The following BTG4 variants were observed in gnomAD, a reference collection of about 807,000 sequenced individuals.
The protein encoded by BTG4 is protein BTG4.
In BTG4, 10 loss-of-function variants were observed where a neutral mutation model predicts 19.3. That is an observed-to-expected ratio of 0.52 (90% CI 0.32 to 0.88). BTG4 has a LOEUF of 0.88. Among genes scored for constraint, BTG4 ranks in the 40% least tolerant of loss-of-function variants. The pLI, the probability that BTG4 is intolerant of heterozygous loss-of-function variation, is 0.04. For missense variants in BTG4, 238 were observed against 281.9 expected (o/e 0.84, Z 1.11); for synonymous variants, 91 against 95.7 (o/e 0.95, Z 0.29).
At chr11:111,434,177 A>T in the BTG4 span, among the ~76,000 whole-genome samples, 2 of 152,242 alleles carry the variant, frequency 1.3e-5, no homozygotes, top group Non-Finnish European at 2.9e-5. Context: ...TAGACTGGAT[A>T]AAGAAAATGT....
At chr11:111,469,577 C>T (rs1863936170) in intron 5 of BTG4, among the ~76,000 whole-genome samples, 2 of 152,198 alleles carry the variant, frequency 1.3e-5, no homozygotes, top group Admixed American at 1.3e-4. Context: ...TTCCTATGAG[C>T]ACAGCATCTC....
rs1032178274 is a variant in BTG4 at position 111,512,233 on chromosome 11, G to A, written c.-79C>T. The A allele has an allele frequency of 2.0e-5, 3 of 152,244 alleles. No homozygotes were observed. Among genetic ancestry groups the A allele is most frequent in the African/African-American group, 7.2e-5 (3 of 41,458 alleles). 9.4% of individuals were successfully genotyped at this position (152,244 alleles called of 1,614,324 possible). On this transcript the variant is annotated 5_prime_UTR_variant, in exon 1 of 5. Coordinates refer to ENST00000692032, the MANE Select transcript of BTG4 (RefSeq NM_001367975.1). ...TGGTCACGGAAACTGGGTAGGCTGG[G>A]GGCCTTCTTGGGGAATGAGGGAGTG...
downstream of BTG4, among the ~76,000 whole-genome samples, chr11:111,490,465 C>CT (rs891761821): frequency 6.6e-6 from 1 of 152,000 alleles, no homozygotes; most frequent in African/African-American, 2.4e-5. Flanking sequence ...AAATAAAGAA[C>CT]TTTTTAAAAT....
chr11:111,492,423 C>G (rs1211537497), downstream of BTG4, among the ~76,000 whole-genome samples: 1 of 152,146 alleles, frequency 6.6e-6, no homozygotes, highest in Non-Finnish European at 1.5e-5. Flanking sequence ...GACCAAACAG[C>G]TTCAGATTTT....
the BTG4 span, among the ~76,000 whole-genome samples, chr11:111,410,480 G>A: frequency 6.6e-6 from 1 of 152,134 alleles, no homozygotes; most frequent in African/African-American, 2.4e-5. Context: ...TAAGGTTTGG[G>A]AATTCCAAAT....
chr11:111,432,944 C>T, the BTG4 span, among the ~76,000 whole-genome samples: 1 of 152,030 alleles, frequency 6.6e-6, no homozygotes, highest in Non-Finnish European at 1.5e-5. Context: ...CTTCCACCTC[C>T]ACCTCCCAAA....
At chr11:111,437,311 TCTC>T in the BTG4 span, among the ~76,000 whole-genome samples, 1 of 151,974 alleles carries the variant, frequency 6.6e-6, no homozygotes, top group Non-Finnish European at 1.5e-5. Flanking sequence ...AGGAGATCAT[TCTC>T]CTCCTCCAGT....
intron 5 of BTG4, among the ~76,000 whole-genome samples, chr11:111,483,670 A>C (rs913785673): frequency 2.0e-5 from 3 of 152,184 alleles, no homozygotes; most frequent in African/African-American, 7.2e-5. Context: ...GCTACATGAA[A>C]ACAGACAGTC....
the BTG4 span, among the ~76,000 whole-genome samples, chr11:111,391,511 G>A: frequency 3.9e-5 from 6 of 152,136 alleles, no homozygotes; most frequent in East Asian, 5.8e-4. Flanking sequence ...TCTGCTGGCC[G>A]GGACTTCTTC....
At chr11:111,477,108 T>C (rs2135555752) in intron 5 of BTG4, among the ~76,000 whole-genome samples, 1 of 152,294 alleles carries the variant, frequency 6.6e-6, no homozygotes, top group South Asian at 2.1e-4. Context: ...TACCAGGACA[T>C]GATCCTATTA....
chr11:111,488,376 G>A (rs890450549), intron 5 of BTG4, among the ~76,000 whole-genome samples: 2 of 152,094 alleles, frequency 1.3e-5, no homozygotes, highest in Non-Finnish European at 2.9e-5. Flanking sequence ...TAAATAGTGT[G>A]GGGAAAACTG....
chr11:111,438,399 T>C, the BTG4 span, among the ~76,000 whole-genome samples: 8 of 152,334 alleles, frequency 5.3e-5, no homozygotes, highest in South Asian at 1.7e-3. Context: ...ATTCCTTGGC[T>C]CATGCAGCCT....
chr11:111,400,957 G>A, the BTG4 span: 1 of 147,172 alleles, frequency 6.8e-6, no homozygotes, highest in African/African-American at 2.5e-5. Flanking sequence ...AACTGTCAAG[G>A]TCATAAAAAC....
the BTG4 span, among the ~76,000 whole-genome samples, chr11:111,392,379 G>T: frequency 1.3e-5 from 2 of 151,812 alleles, no homozygotes; most frequent in Non-Finnish European, 2.9e-5. Context: ...GGGTTTCACC[G>T]TATTAGCCAG....
the BTG4 span, among the ~76,000 whole-genome samples, chr11:111,447,439 C>T: frequency 1.3e-5 from 2 of 152,212 alleles, no homozygotes; most frequent in African/African-American, 4.8e-5. Context: ...GCAGAAGCCT[C>T]GGGTTTTATT....
At chr11:111,401,858 T>TTGAG in the BTG4 span, among the ~76,000 whole-genome samples, 1 of 152,192 alleles carries the variant, frequency 6.6e-6, no homozygotes, top group Non-Finnish European at 1.5e-5. Context: ...AAAGTATGTG[T>TTGAG]TGAGTGAATG....
At chr11:111,497,559 A>T (rs1439745895) in intron 3 of BTG4, 150 bp from the exon 4 acceptor site, 1 of 480,620 alleles carries the variant, frequency 2.1e-6, no homozygotes, top group Non-Finnish European at 3.5e-6. Context: ...CTACACTGTT[A>T]TAAATTAGGA....
At chr11:111,386,260 T>A in the BTG4 span, 2 of 152,262 alleles carry the variant, frequency 1.3e-5, no homozygotes, top group Non-Finnish European at 2.9e-5. Context: ...TTACATCATG[T>A]AATTGTGCCA....
the BTG4 span, chr11:111,451,539 G>A: frequency 5.7e-6 from 2 of 352,022 alleles, no homozygotes; most frequent in Non-Finnish European, 1.2e-5. Context: ...GCCAAGGAGG[G>A]CAGATCACCT....
Sources: gnomAD v4.1 joint callset for allele counts (sites outside exome capture counted in the v4.1 genomes callset) on GRCh38, gnomAD v4.1.1 for gene constraint, MANE v1.5 for transcripts, NCBI Gene and HGNC (gene_info 2026-07-23, HGNC 2026-07-21) for gene names.